Variants in ADAM12 observed in about 807,000 individuals in gnomAD.
The protein encoded by ADAM12 is ADAM metallopeptidase domain 12.
Under a neutral mutation model 106.4 loss-of-function variants are expected in ADAM12, and 70 were observed. The observed-to-expected ratio is 0.66, with a 90% confidence interval of 0.54 to 0.80. ADAM12 has a LOEUF of 0.80. ADAM12 is among the 30% of genes least tolerant of loss of function. The pLI is 0.00. For missense variants in ADAM12, 1,010 were observed against 1,171.9 expected, an observed-to-expected ratio of 0.86 and a Z score of 2.02; for synonymous variants, 420 against 433.5, an observed-to-expected ratio of 0.97 and a Z score of 0.39.
chr10:126,052,388 T>C (rs887545088), intron 14 of ADAM12, among the ~76,000 whole-genome samples: 6 of 152,264 alleles, frequency 3.9e-5, no homozygotes, highest in Non-Finnish European at 8.8e-5. Flanking sequence ...TTGACATCAC[T>C]GTGCCATTGC....
chr10:126,098,938 A>C (rs1955607531), intron 9 of ADAM12, among the ~76,000 whole-genome samples: 1 of 152,234 alleles, frequency 6.6e-6, no homozygotes, highest in Non-Finnish European at 1.5e-5. Context: ...CAGTTCTGCC[A>C]GACACCCAAA....
intron 2 of ADAM12, among the ~76,000 whole-genome samples, chr10:126,323,771 G>A (rs1026718873): frequency 3.3e-5 from 5 of 152,222 alleles, no homozygotes; most frequent in African/African-American, 7.2e-5. Flanking sequence ...GGCCAGTATA[G>A]AAGGTAGAGG....
chr10:126,026,301 G>A (rs1354913689), intron 21 of ADAM12, among the ~76,000 whole-genome samples: 2 of 152,176 alleles, frequency 1.3e-5, no homozygotes, highest in Non-Finnish European at 2.9e-5. Context: ...CTAAATATGT[G>A]TGCATCTTAT....
At chr10:126,353,360 G>A (rs749032345) in intron 1 of ADAM12, among the ~76,000 whole-genome samples, 5 of 152,048 alleles carry the variant, frequency 3.3e-5, no homozygotes, top group Non-Finnish European at 7.4e-5. Context: ...CTAAGATGGT[G>A]GAGCTCCCAG....
chr10:126,150,219 T>C (rs1240847338), intron 4 of ADAM12, among the ~76,000 whole-genome samples: 6 of 152,234 alleles, frequency 3.9e-5, no homozygotes, highest in East Asian at 1.9e-4. Context: ...ACTGTGGAGA[T>C]AGCCTCAGTG....
chr10:126,054,547 C>T (rs930048545), intron 14 of ADAM12, among the ~76,000 whole-genome samples: 1 of 152,238 alleles, frequency 6.6e-6, no homozygotes, highest in African/African-American at 2.4e-5. Context: ...TACCTAATGC[C>T]TATCAGTCTT....
chr10:126,378,907 C>T (rs1446744217), intron 1 of ADAM12, among the ~76,000 whole-genome samples: 1 of 152,048 alleles, frequency 6.6e-6, no homozygotes, highest in African/African-American at 2.4e-5. Flanking sequence ...ATGATTTTAG[C>T]TTAAAAGTTT....
chr10:126,380,207 G>C (rs11244971), intron 1 of ADAM12, among the ~76,000 whole-genome samples: 27,236 of 152,108 alleles, frequency 0.18, 2,847 homozygotes, highest in East Asian at 0.42. Flanking sequence ...AAAAGAAACA[G>C]GGTGAAAAAT....
At chr10:126,330,644 G>C in intron 1 of ADAM12, 135 bp from the exon 2 acceptor site, 1 of 686,016 alleles carries the variant, frequency 1.5e-6, no homozygotes, top group South Asian at 2.5e-5. Flanking sequence ...AACCCATTAA[G>C]TCATGAAAAG....
rs1302649292 is a variant in ADAM12 at position 126,012,529 on chromosome 10, T to A, written c.*4750A>T. ...ACAGACTGTGATAGAAAAAGGTATG[T>A]GAAAAAATTAGCAAACCAAAGCATG... On this transcript the variant is annotated 3_prime_UTR_variant, in exon 23 of 23. Transcript: ENST00000448723. The A allele has an allele frequency of 6.6e-6, 1 of 152,156 alleles. No individual in the cohort carries two copies. Among genetic ancestry groups the A allele is most frequent in the African/African-American group, 2.4e-5 (1 of 41,402 alleles). The allele number at this position is 152,156 out of a possible 1,614,324, so 9.4% of individuals were successfully genotyped here. A position where few individuals can be genotyped will look rare whatever the true frequency, so the allele number is the denominator to read the frequency against.
intron 1 of ADAM12, among the ~76,000 whole-genome samples, chr10:126,341,646 C>T (rs1173097345): frequency 1.3e-5 from 2 of 152,256 alleles, no homozygotes; most frequent in South Asian, 4.2e-4. Flanking sequence ...CCTTGAGAAG[C>T]CAAATTAAGA....
chr10:126,040,827 A>G (rs1954148464), intron 18 of ADAM12, among the ~76,000 whole-genome samples: 1 of 152,136 alleles, frequency 6.6e-6, no homozygotes, highest in Non-Finnish European at 1.5e-5. Context: ...GGGCCCCCAC[A>G]CTGAACCTGC....
intron 4 of ADAM12, 33 bp from the exon 5 acceptor site, chr10:126,135,693 T>C (rs770931558): frequency 1.3e-6 from 2 of 1,588,600 alleles, no homozygotes; most frequent in South Asian, 2.2e-5. Context: ...CCCATTTCAG[T>C]TATAACACAT....
intron 11 of ADAM12, among the ~76,000 whole-genome samples, chr10:126,080,166 C>T (rs902763667): frequency 6.6e-6 from 1 of 152,098 alleles, no homozygotes; most frequent in Non-Finnish European, 1.5e-5. Context: ...ATTGTGCCTC[C>T]TTTGTGCTTG....
intron 3 of ADAM12, among the ~76,000 whole-genome samples, chr10:126,200,805 G>A (rs1036968485): frequency 1.4e-5 from 2 of 145,782 alleles, no homozygotes; most frequent in African/African-American, 2.8e-5. Flanking sequence ...AGCCCAGGAT[G>A]TGGTTTGAGA....
chr10:126,190,574 T>C (rs1231715190), intron 3 of ADAM12, among the ~76,000 whole-genome samples: 1 of 152,134 alleles, frequency 6.6e-6, no homozygotes, highest in Non-Finnish European at 1.5e-5. Flanking sequence ...CCAAAATTCA[T>C]GTGTATGCTT....
chr10:126,351,445 C>G (rs1463355551), intron 1 of ADAM12, among the ~76,000 whole-genome samples: 1 of 152,170 alleles, frequency 6.6e-6, no homozygotes, highest in Non-Finnish European at 1.5e-5. Context: ...ATGGTCCCTC[C>G]TGCTCTGGCC....
At chr10:126,062,720 G>A (rs999105999) in intron 14 of ADAM12, among the ~76,000 whole-genome samples, 8 of 152,274 alleles carry the variant, frequency 5.3e-5, no homozygotes, top group Admixed American at 3.3e-4. Context: ...GTTCGAATAC[G>A]GCAGGGCATT....
chr10:126,238,341 G>A (rs111428127), intron 3 of ADAM12, among the ~76,000 whole-genome samples: 1,737 of 152,224 alleles, frequency 0.011, 27 homozygotes, highest in African/African-American at 0.031. Flanking sequence ...TTAGCCGGGC[G>A]TGGTGATGCA....
Sources: gnomAD v4.1 joint callset for allele counts (sites outside exome capture counted in the v4.1 genomes callset) on GRCh38, gnomAD v4.1.1 for gene constraint, MANE v1.5 for transcripts, NCBI Gene and HGNC (gene_info 2026-07-23, HGNC 2026-07-21) for gene names.